The following PTCD3 variants were observed in gnomAD, a reference collection of about 807,000 sequenced individuals.
PTCD3 encodes pentatricopeptide repeat domain 3, also known as small ribosomal subunit protein mS39.
A neutral mutation model predicts 101.9 loss-of-function variants in PTCD3; 89 were observed. That is an observed-to-expected ratio of 0.87 (90% CI 0.74 to 1.04). The LOEUF (loss-of-function observed/expected upper bound fraction) is 1.04, where lower values mean the gene tolerates loss of function less well. PTCD3 is among the 50% of genes least tolerant of loss of function. PTCD3 has a pLI of 0.00. For synonymous variants in PTCD3, 296 were observed against 278.5 expected (o/e 1.06, Z -0.63); for missense variants, 870 against 828.2 (o/e 1.05, Z -0.62).
Position 86,137,713 on chromosome 2 carries a change from C to A in PTCD3, c.*154C>A. On this transcript the variant is annotated 3_prime_UTR_variant, in exon 24 of 24. Transcript: ENST00000254630. ...TGAGGTACAGTCAGTACACAGCTGACTTATGTAGATTTAAGCTGCTAATAT... is the reference window on the plus strand; with the variant it reads ...TGAGGTACAGTCAGTACACAGCTGAATTATGTAGATTTAAGCTGCTAATAT... The A allele has an allele frequency of 9.0e-7, 1 of 1,106,842 alleles. No individual in the cohort carries two copies. Among genetic ancestry groups the A allele is most frequent in the Non-Finnish European group, 1.3e-6 (1 of 786,490 alleles). The allele number at this position is 1,106,842 out of a possible 1,614,324, so 68.6% of individuals were successfully genotyped here. A position where few individuals can be genotyped will look rare whatever the true frequency, so the allele number is the denominator to read the frequency against.
intron 8 of PTCD3, among the ~76,000 whole-genome samples, chr2:86,122,762 C>T (rs570665941): frequency 6.6e-6 from 1 of 152,162 alleles, no homozygotes; most frequent in Non-Finnish European, 1.5e-5. Flanking sequence ...AGTGCATAGG[C>T]AGTAGGTTGC....
intron 1 of PTCD3, 97 bp downstream of exon 1, chr2:86,106,448 T>C: frequency 7.8e-7 from 1 of 1,285,960 alleles, no homozygotes; most frequent in South Asian, 1.4e-5. Context: ...TGAAATGGTT[T>C]GCTCATGCGC....
intron 19 of PTCD3, among the ~76,000 whole-genome samples, chr2:86,134,084 G>A (rs534814938): frequency 2.6e-5 from 4 of 152,310 alleles, no homozygotes; most frequent in East Asian, 1.9e-4. Context: ...TGCACATGCC[G>A]TGATGAACAC....
Position 86,137,826 on chromosome 2 carries a change from G to T in PTCD3, c.*267G>T. On this transcript the variant is annotated 3_prime_UTR_variant, in exon 24 of 24. Coordinates refer to ENST00000254630, the MANE Select transcript of PTCD3 (RefSeq NM_017952.6). ...TTTCAGACACATGGTGAGGTCCATG[G>T]CTCTTGTCATCAGGATAAGCCTGCA... The T allele has an allele frequency of 5.3e-6, 2 of 380,404 alleles. No homozygotes were observed. The highest frequency in any genetic ancestry group is 1.0e-5 in the Non-Finnish European group (2 of 198,396). 23.6% of individuals were successfully genotyped at this position (380,404 alleles called of 1,614,324 possible). A position where few individuals can be genotyped will look rare whatever the true frequency, so the allele number is the denominator to read the frequency against.
chr2:86,110,935 G>C, intron 3 of PTCD3, 178 bp from the exon 4 acceptor site: 1 of 754,008 alleles, frequency 1.3e-6, no homozygotes, highest in Middle Eastern at 2.3e-4. Flanking sequence ...GTACCAACTA[G>C]GGGAAAGAAC....
At chr2:86,106,643 A>G (rs1181070508) in intron 1 of PTCD3, among the ~76,000 whole-genome samples, 1 of 152,194 alleles carries the variant, frequency 6.6e-6, no homozygotes, top group African/African-American at 2.4e-5. Context: ...TGTGGCTATT[A>G]GCAACACTAC....
chr2:86,131,542 C>T (rs1403821743), intron 16 of PTCD3, among the ~76,000 whole-genome samples: 23 of 152,170 alleles, frequency 1.5e-4, no homozygotes. Flanking sequence ...CAATCACATA[C>T]TATCCCTACC....
At chr2:86,115,364 C>G (rs934018861) in intron 4 of PTCD3, among the ~76,000 whole-genome samples, 1 of 152,226 alleles carries the variant, frequency 6.6e-6, no homozygotes, top group Admixed American at 6.5e-5. Context: ...GCACACTGCT[C>G]TCAGTTCAGC....
At chr2:86,120,055 G>A (rs1485338733) in intron 7 of PTCD3, among the ~76,000 whole-genome samples, 2 of 152,208 alleles carry the variant, frequency 1.3e-5, no homozygotes. Context: ...AACATTTGCA[G>A]AAAGCTATGT....
rs1370246992 is a variant in PTCD3, at chr2:86,111,162, A to G, written c.240+4A>G. On this transcript the variant is annotated splice_donor_region_variant and intron_variant, in intron 4 of 23. Transcript: ENST00000254630. ...ACTTGCATCCACAGTAAACAGGGTA[A>G]GTAGGATTTTGTGTTTTTTTTTAAC... 1.9e-6 allele frequency: 3 copies of G among 1,611,940 alleles called. No homozygotes were observed. Among genetic ancestry groups the G allele is most frequent in the Admixed American group, 3.3e-5 (2 of 59,958 alleles).
rs553203323 is a variant in PTCD3 at position 86,137,407 on chromosome 2, C to T, written c.1980-62C>T. 9.8e-4 allele frequency: 1,568 copies of T among 1,603,212 alleles called. 3 individuals carry two copies. The highest frequency in any genetic ancestry group is 1.2e-3 in the Non-Finnish European group (1,429 of 1,175,324). On this transcript the variant is annotated intron_variant, in intron 23 of 23. Transcript: ENST00000254630. The stretch of plus-strand genomic sequence containing the variant: ...ACAGGCTATAGGTGAGTGTCAGAGA[C>T]ACCGAGAACCCCAGCACCCAGTTGA...
intron 4 of PTCD3, among the ~76,000 whole-genome samples, chr2:86,113,542 A>G (rs1452651839): frequency 1.3e-5 from 2 of 152,218 alleles, no homozygotes; most frequent in Non-Finnish European, 2.9e-5. Flanking sequence ...ATAGTGGCTC[A>G]TGCCTGTAAT....
At chr2:86,117,932 G>A (rs1044619733) in intron 6 of PTCD3, among the ~76,000 whole-genome samples, 4 of 151,902 alleles carry the variant, frequency 2.6e-5, no homozygotes, top group East Asian at 3.9e-4. Flanking sequence ...GCCTGCCACC[G>A]CACCTGGCTA....
Position 86,118,922 on chromosome 2 carries a change from G to A in PTCD3, c.416G>A (p.Cys139Tyr). Residue 139 changes from cysteine (C) to tyrosine (Y), a missense_variant and splice_region_variant, in exon 7 of 24, where the codon TGT becomes TAT. Physicochemically the swap from Cys to Tyr is radical, Grantham distance 194 (BLOSUM62 -2). Transcript: ENST00000254630. ...QKDIAEPHIP[C>Y]LMPEYFEPQI... Reference sequence around the variant, plus strand: ...ACTTTAGTCATCTTGTTTTCCTAGTGTTTAATGCCTGAGTACTTTGAACCT... The same window carrying A: ...ACTTTAGTCATCTTGTTTTCCTAGTATTTAATGCCTGAGTACTTTGAACCT... The A allele has an allele frequency of 6.2e-7, 1 of 1,612,098 alleles. No individual in the cohort carries two copies. Among genetic ancestry groups the A allele is most frequent in the East Asian group, 2.2e-5 (1 of 44,868 alleles).
chr2:86,125,558 CT>C (rs763570090), intron 11 of PTCD3, 43 bp downstream of exon 11: 9 of 1,543,212 alleles, frequency 5.8e-6, no homozygotes, highest in Middle Eastern at 1.7e-4. Flanking sequence ...CCATTTCCTT[CT>C]TTTAATTGTC....
At chr2:86,108,302 G>T in intron 1 of PTCD3, 48 bp from the exon 2 acceptor site, 12 of 1,578,448 alleles carry the variant, frequency 7.6e-6, no homozygotes, top group Non-Finnish European at 1.0e-5. Flanking sequence ...AGGTGAGCTG[G>T]GTACTTCATT....
intron 12 of PTCD3, 51 bp downstream of exon 12, chr2:86,125,931 C>G: frequency 1.5e-6 from 2 of 1,318,394 alleles, no homozygotes; most frequent in South Asian, 2.5e-5. Flanking sequence ...ATACTCTTTA[C>G]CAGAAATACA....
At chr2:86,119,082 G>C in intron 7 of PTCD3, 38 bp downstream of exon 7, 1 of 1,605,504 alleles carries the variant, frequency 6.2e-7, no homozygotes, top group South Asian at 1.1e-5. Flanking sequence ...AATAACATGG[G>C]CTTTGAAGTG....
rs1375485178 is a variant in PTCD3 at position 86,123,756 on chromosome 2, C to T, written c.710C>T (p.Thr237Ile). Residue 237 changes from threonine (T) to isoleucine (I), a missense_variant, in exon 9 of 24, where the codon ACA (threonine) becomes ATA (isoleucine). Coordinates refer to ENST00000254630, the MANE Select transcript of PTCD3 (RefSeq NM_017952.6). The part of the protein sequence containing the change: ...RRKAGHQFGV[T>I]WRAKNNAERI... Reference sequence around the variant, plus strand: ...AAAGCTGGTCATCAGTTTGGAGTTACATGGCGGTATGTCACACGTAATTAG... The same window carrying T: ...AAAGCTGGTCATCAGTTTGGAGTTATATGGCGGTATGTCACACGTAATTAG... 1.3e-6 allele frequency: 2 copies of T among 1,599,642 alleles called. No homozygotes were observed. The highest frequency in any genetic ancestry group is 2.2e-5 in the East Asian group (1 of 44,456).
Sources: gnomAD v4.1 joint callset for allele counts (sites outside exome capture counted in the v4.1 genomes callset) on GRCh38, gnomAD v4.1.1 for gene constraint, MANE v1.5 for transcripts, NCBI Gene and HGNC (gene_info 2026-07-23, HGNC 2026-07-21) for gene names.